DENND5B: variants seen among roughly 807,000 people sequenced by gnomAD.
DENND5B encodes the protein DENN domain-containing protein 5B.
Under a neutral mutation model 140.6 loss-of-function variants are expected in DENND5B, and 34 were observed. The observed-to-expected ratio is 0.24, with a 90% CI of 0.18 to 0.32. The LOEUF (loss-of-function observed/expected upper bound fraction) is 0.32, where lower values mean the gene tolerates loss of function less well. Ranked by LOEUF, DENND5B falls within the 10% of genes least tolerant of loss-of-function variation. DENND5B has a pLI of 1.00. For synonymous variants in DENND5B, 551 were observed against 562.1 expected, an observed-to-expected ratio of 0.98 and a Z score of 0.28; for missense variants, 1,142 against 1,560.2, an observed-to-expected ratio of 0.73 and a Z score of 4.52.
At chr12:31,482,222 C>G (rs910501578) in intron 2 of DENND5B, among the ~76,000 whole-genome samples, 2 of 152,142 alleles carry the variant, frequency 1.3e-5, no homozygotes, top group African/African-American at 2.4e-5. Flanking sequence ...TATCCAAGTT[C>G]ATTTCCAGAG....
At chr12:31,556,252 T>C (rs1949278246) in intron 1 of DENND5B, among the ~76,000 whole-genome samples, 2 of 152,192 alleles carry the variant, frequency 1.3e-5, no homozygotes, top group Non-Finnish European at 2.9e-5. Context: ...TCACCCAGAC[T>C]GGAGTGGAGC....
At chr12:31,554,104 T>C (rs1309253205) in intron 1 of DENND5B, among the ~76,000 whole-genome samples, 1 of 152,206 alleles carries the variant, frequency 6.6e-6, no homozygotes, top group East Asian at 1.9e-4. Flanking sequence ...GATCCTGTCA[T>C]TATGATGTTA....
At chr12:31,405,875 T>A (rs955085658) in intron 14 of DENND5B, among the ~76,000 whole-genome samples, 1 of 151,206 alleles carries the variant, frequency 6.6e-6, no homozygotes, top group Non-Finnish European at 1.5e-5. Context: ...AGAAGAAGTC[T>A]TGTTCTGATG....
Position 31,443,019 on chromosome 12 carries a change from T to C in DENND5B, c.1862-94A>G, listed in dbSNP as rs1189572185. On this transcript the variant is annotated intron_variant, in intron 6 of 20. Transcript: ENST00000389082. ...ACTCATGCACCTACAGAGAACCCAA[T>C]CACTCTGACACTCTGAAACAGATAT... is the stretch of plus-strand genomic sequence containing the variant. 5.2e-6 allele frequency: 6 copies of C among 1,147,694 alleles called. No homozygotes were observed. In the East Asian group the frequency reaches 1.5e-4, roughly 30 times the overall value. 71.1% of individuals were successfully genotyped at this position (1,147,694 alleles called of 1,614,324 possible).
intron 2 of DENND5B, 73 bp downstream of exon 2, chr12:31,495,737 T>C (rs1468583487): frequency 2.7e-6 from 3 of 1,119,214 alleles, no homozygotes; most frequent in Non-Finnish European, 3.8e-6. Context: ...ACATTCAAAA[T>C]ACAGTCACTA....
intron 1 of DENND5B, among the ~76,000 whole-genome samples, chr12:31,529,398 C>T (rs1482228577): frequency 1.3e-5 from 2 of 152,088 alleles, no homozygotes; most frequent in African/African-American, 4.8e-5. Context: ...TTCTGGTTCC[C>T]CTCAATTTAA....
At position 31,383,932 on chromosome 12, in the gene DENND5B, A is replaced by G. The variant is rs1290318500; in HGVS notation, c.*3671T>C. The G allele has an allele frequency of 1.3e-5, 2 of 152,220 alleles. No homozygotes were observed. The allele number at this position is 152,220 out of a possible 1,614,324, so 9.4% of individuals were successfully genotyped here. A position where few individuals can be genotyped will look rare whatever the true frequency, so the allele number is the denominator to read the frequency against. On this transcript the variant is annotated 3_prime_UTR_variant, in exon 21 of 21. Coordinates refer to ENST00000389082, the MANE Select transcript of DENND5B (RefSeq NM_144973.4). ...CTATTACTATGCAAAAATAATCATT[A>G]TGGTCCCAGCATTTAATTTATTTGC...
chr12:31,536,944 G>GA (rs892487641), intron 1 of DENND5B, among the ~76,000 whole-genome samples: 4 of 151,892 alleles, frequency 2.6e-5, no homozygotes, highest in African/African-American at 9.7e-5. Flanking sequence ...AGTGCTGAAG[G>GA]AAAAAAACTT....
At chr12:31,445,973 C>A (rs1403285752) in intron 6 of DENND5B, among the ~76,000 whole-genome samples, 1 of 150,928 alleles carries the variant, frequency 6.6e-6, no homozygotes, top group African/African-American at 2.4e-5. Context: ...GGCACCACTG[C>A]ACTCCAGCCT....
intron 1 of DENND5B, among the ~76,000 whole-genome samples, chr12:31,530,911 T>C (rs1948257135): frequency 1.3e-5 from 2 of 152,220 alleles, no homozygotes; most frequent in African/African-American, 4.8e-5. Context: ...ATTCATCTCC[T>C]ATTTTACTCT....
At chr12:31,398,048 G>T (rs1941579341) in intron 17 of DENND5B, 127 bp downstream of exon 17, 5 of 934,022 alleles carry the variant, frequency 5.4e-6, no homozygotes, top group Non-Finnish European at 7.4e-6. Context: ...GAATATTTAT[G>T]AATTTTCCTC....
chr12:31,411,116 G>A (rs1942437717), intron 13 of DENND5B, among the ~76,000 whole-genome samples: 1 of 149,030 alleles, frequency 6.7e-6, no homozygotes, highest in Non-Finnish European at 1.5e-5. Flanking sequence ...TTGGCTCACC[G>A]CAACCTCTCG....
In DENND5B at chr12:31,433,211, T is replaced by C; in HGVS notation, c.2050A>G (p.Lys684Glu). 1 of 1,613,900 alleles carries C rather than the reference T, an allele frequency of 6.2e-7. No individual in the cohort carries two copies. The highest frequency in any genetic ancestry group is 8.5e-7 in the Non-Finnish European group (1 of 1,179,850). Residue 684 changes from lysine (K) to glutamate (E), a missense_variant, in exon 8 of 21, where the codon AAA (lysine) becomes GAA (glutamate). Lys to Glu is a moderately conservative substitution (Grantham distance 56). Around this residue, in one of 5 missense-constraint regions of DENND5B, gnomAD observed 708 missense variants for 905.5 expected, o/e 0.78. Transcript: ENST00000389082. Reference protein sequence around the residue: ...VSRSATAQRRKERLRQHSEHV... With the variant: ...VSRSATAQRREERLRQHSEHV... Reference sequence around the variant, plus strand: ...TCAGAATGCTGGCGAAGGCGTTCTTTCCTGCGCTGTGCAGTGGCACTCCGA... The same window carrying C: ...TCAGAATGCTGGCGAAGGCGTTCTTCCCTGCGCTGTGCAGTGGCACTCCGA...
intron 7 of DENND5B, among the ~76,000 whole-genome samples, chr12:31,441,152 G>C (rs560829712): frequency 6.6e-6 from 1 of 152,108 alleles, no homozygotes; most frequent in African/African-American, 2.4e-5. Context: ...ACACCAGCTT[G>C]GGCAATAAGG....
At chr12:31,488,858 C>T (rs1422490148) in intron 2 of DENND5B, among the ~76,000 whole-genome samples, 1 of 152,128 alleles carries the variant, frequency 6.6e-6, no homozygotes, top group Non-Finnish European at 1.5e-5. Context: ...CACAATAAAA[C>T]AACTAAAAAT....
intron 3 of DENND5B, among the ~76,000 whole-genome samples, chr12:31,470,394 G>A (rs1227316172): frequency 6.6e-6 from 1 of 151,878 alleles, no homozygotes; most frequent in East Asian, 1.9e-4. Flanking sequence ...GATTACAGGC[G>A]TGATACACTG....
chr12:31,396,896 G>T (rs1941505036), intron 17 of DENND5B, among the ~76,000 whole-genome samples: 2 of 152,046 alleles, frequency 1.3e-5, no homozygotes, highest in South Asian at 4.1e-4. Flanking sequence ...TGTTGGGAAA[G>T]AATACATATG....
intron 1 of DENND5B, among the ~76,000 whole-genome samples, chr12:31,587,402 T>C (rs1313773395): frequency 3.3e-5 from 5 of 152,074 alleles, no homozygotes; most frequent in African/African-American, 1.2e-4. Context: ...ACCATATTCA[T>C]AGAATTCATA....
chr12:31,442,353 T>C (rs1002042543), intron 7 of DENND5B, among the ~76,000 whole-genome samples: 2 of 152,186 alleles, frequency 1.3e-5, no homozygotes, highest in African/African-American at 4.8e-5. Context: ...TTCAAATTTC[T>C]ACCCCCCAAA....
Sources: allele counts gnomAD v4.1 joint callset (sites outside exome capture counted in the v4.1 genomes callset), GRCh38; gene constraint gnomAD v4.1.1; regional missense constraint gnomAD v4.1.1; transcripts MANE v1.5; gene names NCBI Gene and HGNC (gene_info 2026-07-23, HGNC 2026-07-21).